ASTN2: variants seen among roughly 807,000 people sequenced by gnomAD.
ASTN2 encodes the protein astrotactin 2, also known as astrotactin-2.
A neutral mutation model predicts 139.8 loss-of-function variants in ASTN2; 54 were observed. That is an observed-to-expected ratio of 0.39 (90% CI 0.31 to 0.48). The LOEUF (loss-of-function observed/expected upper bound fraction) is 0.48, where lower values mean the gene tolerates loss of function less well. ASTN2 is among the 20% of genes least tolerant of loss of function. ASTN2 has a pLI of 0.95. For missense variants in ASTN2, 1,565 were observed against 1,725.1 expected, an observed-to-expected ratio of 0.91 and a Z score of 1.64; for synonymous variants, 756 against 719.5, an observed-to-expected ratio of 1.05 and a Z score of -0.81.
At chr9:116,825,130 C>A (rs1257899426) in intron 11 of ASTN2, among the ~76,000 whole-genome samples, 1 of 152,166 alleles carries the variant, frequency 6.6e-6, no homozygotes, top group Non-Finnish European at 1.5e-5. Flanking sequence ...GGACTGTTTT[C>A]TTTCTATAAA....
chr9:116,820,863 G>T, intron 11 of ASTN2, 80 bp from the exon 12 acceptor site: 1 of 1,432,628 alleles, frequency 7.0e-7, no homozygotes, highest in South Asian at 1.4e-5. Context: ...CCTCCTGGAA[G>T]AGACATGTGT....
At chr9:117,268,871 G>T (rs774026467) in intron 2 of ASTN2, among the ~76,000 whole-genome samples, 2 of 152,074 alleles carry the variant, frequency 1.3e-5, no homozygotes, top group Non-Finnish European at 1.5e-5. Flanking sequence ...AATTCCAGGG[G>T]TCTAACAAAA....
At chr9:116,656,703 A>T (rs1858236436) in intron 16 of ASTN2, among the ~76,000 whole-genome samples, 1 of 115,190 alleles carries the variant, frequency 8.7e-6, no homozygotes, top group Non-Finnish European at 1.8e-5. Context: ...AAAAAAAAAA[A>T]GCCTCAGTTG....
chr9:117,116,404 T>G (rs1050564540), intron 4 of ASTN2, among the ~76,000 whole-genome samples: 1 of 152,140 alleles, frequency 6.6e-6, no homozygotes, highest in African/African-American at 2.4e-5. Context: ...CAGAACATAC[T>G]TTTGAAGCAT....
At chr9:116,477,423 C>T (rs958569501) in intron 20 of ASTN2, among the ~76,000 whole-genome samples, 1 of 152,076 alleles carries the variant, frequency 6.6e-6, no homozygotes, top group African/African-American at 2.4e-5. Flanking sequence ...GGGAAGTTCA[C>T]ATTCCACTCG....
At chr9:117,241,052 T>C (rs917812989) in intron 2 of ASTN2, among the ~76,000 whole-genome samples, 1 of 152,118 alleles carries the variant, frequency 6.6e-6, no homozygotes, top group Admixed American at 6.6e-5. Flanking sequence ...AAAGGACAAT[T>C]CTCTCTATGC....
intron 5 of ASTN2, among the ~76,000 whole-genome samples, chr9:117,060,610 C>G (rs62564936): frequency 8.4e-6 from 1 of 119,168 alleles, no homozygotes; most frequent in Non-Finnish European, 1.8e-5. Context: ...GAAGGAAGGG[C>G]GGGCCAGGGG....
At chr9:117,220,189 C>A (rs1270740006) in intron 2 of ASTN2, among the ~76,000 whole-genome samples, 1 of 152,126 alleles carries the variant, frequency 6.6e-6, no homozygotes, top group Non-Finnish European at 1.5e-5. Context: ...ACCCCAGTTC[C>A]CCTTGCTTAA....
chr9:116,959,929 G>A (rs868083207), intron 10 of ASTN2, among the ~76,000 whole-genome samples: 1 of 152,116 alleles, frequency 6.6e-6, no homozygotes, highest in South Asian at 2.1e-4. Flanking sequence ...CCTGTCAGTC[G>A]CGAGCAGAGC....
At chr9:116,581,419 A>G (rs16933712) in intron 19 of ASTN2, among the ~76,000 whole-genome samples, 24,576 of 152,018 alleles carry the variant, frequency 0.16, 2,178 homozygotes, top group African/African-American at 0.22. Flanking sequence ...TCCCGTAGTC[A>G]TTCTATCATG....
At chr9:116,429,523 G>T (rs912881592) in intron 22 of ASTN2, among the ~76,000 whole-genome samples, 1 of 152,088 alleles carries the variant, frequency 6.6e-6, no homozygotes, top group Non-Finnish European at 1.5e-5. Flanking sequence ...GTTATAGTGA[G>T]GGTTAAGTCA....
chr9:116,599,491 A>C (rs145124342), intron 19 of ASTN2, among the ~76,000 whole-genome samples: 4 of 152,358 alleles, frequency 2.6e-5, no homozygotes, highest in African/African-American at 9.6e-5. Flanking sequence ...ATATCATTTC[A>C]TCTGTTGCTC....
rs1847266991 is a variant in ASTN2, at chr9:116,425,001, T to C, written c.*850A>G. Among the ~76,000 whole-genome samples the C allele has an allele frequency of 6.6e-6, 1 of 152,134 alleles. No individual in the cohort carries two copies. Among genetic ancestry groups the C allele is most frequent in the South Asian group, 2.1e-4 (1 of 4,824 alleles). ...AGGAGCCCTCCAGTGTGTCTCATGC[T>C]CTAACAGTGAGTGCAAAGAACCTCC... On this transcript the variant is annotated 3_prime_UTR_variant, in exon 23 of 23. Transcript: ENST00000313400.
At chr9:116,535,262 C>T (rs775882712) in intron 19 of ASTN2, among the ~76,000 whole-genome samples, 22 of 152,096 alleles carry the variant, frequency 1.4e-4, no homozygotes, top group Non-Finnish European at 2.6e-4. Context: ...TGTCTCTGCA[C>T]ATGAGATGGA....
chr9:116,746,011 CTTCT>C (rs2132145645), intron 13 of ASTN2, among the ~76,000 whole-genome samples: 1 of 151,632 alleles, frequency 6.6e-6, no homozygotes, highest in Admixed American at 6.6e-5. Context: ...CTTTCCCCTG[CTTCT>C]TAAGGCTGTC....
chr9:116,580,666 T>C (rs1428896335), intron 19 of ASTN2, among the ~76,000 whole-genome samples: 1 of 152,140 alleles, frequency 6.6e-6, no homozygotes, highest in African/African-American at 2.4e-5. Flanking sequence ...ATCCCAGAAG[T>C]GGGAGGTGCA....
chr9:116,804,256 T>G (rs1564276674), intron 13 of ASTN2, among the ~76,000 whole-genome samples: 4 of 151,950 alleles, frequency 2.6e-5, no homozygotes, highest in Admixed American at 2.0e-4. Flanking sequence ...TCAGCTGGAG[T>G]TACATCTGAT....
intron 17 of ASTN2, among the ~76,000 whole-genome samples, chr9:116,623,748 T>TA (rs1265757196): frequency 6.6e-6 from 1 of 152,190 alleles, no homozygotes; most frequent in Non-Finnish European, 1.5e-5. Flanking sequence ...AATACCCACT[T>TA]ACAGAAAAGC....
At chr9:116,887,323 C>T (rs1190402899) in intron 10 of ASTN2, among the ~76,000 whole-genome samples, 2 of 151,852 alleles carry the variant, frequency 1.3e-5, no homozygotes, top group Non-Finnish European at 2.9e-5. Context: ...AAGTCAGGGA[C>T]TCAGGGACTG....
Sources: gnomAD v4.1 joint callset for allele counts (sites outside exome capture counted in the v4.1 genomes callset) on GRCh38, gnomAD v4.1.1 for gene constraint, MANE v1.5 for transcripts, NCBI Gene and HGNC (gene_info 2026-07-23, HGNC 2026-07-21) for gene names.